SH3KBP1: variants seen among roughly 807,000 people sequenced by gnomAD.
SH3KBP1 encodes SH3 domain-containing kinase-binding protein 1.
A neutral mutation model predicts 50.1 loss-of-function variants in SH3KBP1; 8 were observed. That is an observed-to-expected ratio of 0.16 (90% confidence interval 0.09 to 0.29). SH3KBP1 has a LOEUF of 0.29. Among genes scored for constraint, SH3KBP1 ranks in the 10% least tolerant of loss-of-function variants. The probability of loss-of-function intolerance (pLI) is 1.00; values close to 1 mark genes in which losing one functional copy is unlikely to be tolerated. For synonymous variants in SH3KBP1, 227 were observed against 218.6 expected (o/e 1.04, Z -0.34); for missense variants, 377 against 535.2 (o/e 0.70, Z 2.92).
rs190313304 is a variant in SH3KBP1, at chrX:19,880,031, C to T, written c.4+7276G>A. 6.1e-3 allele frequency among the ~76,000 whole-genome samples: 688 copies of T among 112,767 alleles called. 9 individuals carry two copies. Among genetic ancestry groups the T allele is most frequent in the Admixed American group, 0.058 (623 of 10,711 alleles). ...GTAGAATGACTCTCCACTCCCCTGA[C>T]CCCCGCCACCAGCTGTGACAACCAA... On this transcript the variant is annotated intron_variant, in intron 1 of 17. Coordinates refer to ENST00000397821, the MANE Select transcript of SH3KBP1 (RefSeq NM_031892.3).
chrX:19,703,199 A>C (rs1362790772), intron 4 of SH3KBP1, among the ~76,000 whole-genome samples: 3 of 112,444 alleles, frequency 2.7e-5, no homozygotes. Flanking sequence ...GTTTCTACCT[A>C]AACCTGCTTA....
intron 2 of SH3KBP1, among the ~76,000 whole-genome samples, chrX:19,780,304 G>A (rs1406706087): frequency 1.1e-5 from 1 of 93,770 alleles, no homozygotes. Context: ...TTTTTTTCTT[G>A]TAAATTTGTT....
chrX:19,819,333 CTTTT>C (rs2147325750), intron 2 of SH3KBP1, among the ~76,000 whole-genome samples: 1 of 110,641 alleles, frequency 9.0e-6, no homozygotes, highest in African/African-American at 3.3e-5. Context: ...TTTTATTGAT[CTTTT>C]TATTTATTTA....
intron 8 of SH3KBP1, among the ~76,000 whole-genome samples, chrX:19,625,271 C>CA (rs940060633): frequency 7.3e-5 from 8 of 109,713 alleles, no homozygotes; most frequent in Middle Eastern, 4.6e-3. Context: ...AACATTAGAA[C>CA]AAAAAAAATA....
intron 13 of SH3KBP1, among the ~76,000 whole-genome samples, chrX:19,555,080 A>G (rs186262929): frequency 2.6e-4 from 29 of 113,047 alleles, no homozygotes; most frequent in African/African-American, 8.0e-4. Flanking sequence ...CTGAAACTTG[A>G]TATGAGCTTT....
At chrX:19,764,163 C>T (rs1298812771) in intron 2 of SH3KBP1, among the ~76,000 whole-genome samples, 1 of 110,348 alleles carries the variant, frequency 9.1e-6, no homozygotes, top group Non-Finnish European at 1.9e-5. Flanking sequence ...TTTAGAATAA[C>T]TCACATGGGG....
intron 13 of SH3KBP1, among the ~76,000 whole-genome samples, chrX:19,561,998 T>A (rs1406447410): frequency 9.1e-6 from 1 of 110,112 alleles, no homozygotes; most frequent in Non-Finnish European, 1.9e-5. Flanking sequence ...CACCACCACA[T>A]CCAATGACCT....
chrX:19,540,946 G>A lies in SH3KBP1; in HGVS notation c.1892+979C>T, dbSNP rs1015093358. Among the ~76,000 whole-genome samples the A allele has an allele frequency of 3.7e-5, 4 of 109,020 alleles. No individual in the cohort carries two copies. In the East Asian group the frequency reaches 8.6e-4, roughly 23 times the overall value. 94.7% of individuals were successfully genotyped at this position (109,020 alleles called of 115,157 possible). On this transcript the variant is annotated intron_variant, in intron 16 of 17. Coordinates refer to ENST00000397821, the MANE Select transcript of SH3KBP1 (RefSeq NM_031892.3). Reference sequence around the variant, plus strand: ...TTTTTTTTTTTTTAGACGGAGTCTCGCTCTGTCACTCATGCTGGAGTGCAG... The same window carrying A: ...TTTTTTTTTTTTTAGACGGAGTCTCACTCTGTCACTCATGCTGGAGTGCAG...
chrX:19,764,281 T>G (rs752103042), intron 2 of SH3KBP1, among the ~76,000 whole-genome samples: 3 of 110,898 alleles, frequency 2.7e-5, no homozygotes, highest in Non-Finnish European at 3.8e-5. Flanking sequence ...ACACAGAAAT[T>G]TCTTCATTTG....
intron 13 of SH3KBP1, among the ~76,000 whole-genome samples, chrX:19,554,171 T>A (rs1360696703): frequency 2.5e-5 from 2 of 79,047 alleles, no homozygotes; most frequent in Admixed American, 3.8e-4. Flanking sequence ...ATATAATATA[T>A]ATCATATTAA....
At chrX:19,717,855 T>C (rs953568303) in intron 3 of SH3KBP1, among the ~76,000 whole-genome samples, 2 of 111,572 alleles carry the variant, frequency 1.8e-5, no homozygotes, top group Non-Finnish European at 3.8e-5. Context: ...AAATGACGTA[T>C]GTTTGATTTT....
At chrX:19,776,532 G>GTTTTTTTTTTTTTTTTT (rs72090569) in intron 2 of SH3KBP1, among the ~76,000 whole-genome samples, 1 of 25,681 alleles carries the variant, frequency 3.9e-5, no homozygotes, top group Non-Finnish European at 6.4e-5. Context: ...TGACAACCTG[G>GTTTTTTTTTTTTTTTTT]TTTTTTTTTT....
At chrX:19,726,581 T>A (rs1367885661) in intron 3 of SH3KBP1, among the ~76,000 whole-genome samples, 1 of 111,694 alleles carries the variant, frequency 9.0e-6, no homozygotes, top group Non-Finnish European at 1.9e-5. Flanking sequence ...GCAAGCAAGA[T>A]ACACAGAGCA....
rs182591940 is a variant in SH3KBP1 at position 19,867,854 on chromosome X, A to G, written c.4+19453T>C. Reference sequence around the variant, plus strand: ...CCCCATTATCAGAAGAAAGTGACTGATGAAAGAAAAAAAAATTGATGAAAG... The same window carrying G: ...CCCCATTATCAGAAGAAAGTGACTGGTGAAAGAAAAAAAAATTGATGAAAG... On this transcript the variant is annotated intron_variant, in intron 1 of 17. Transcript: ENST00000397821. Among the ~76,000 whole-genome samples, 947 of 111,614 alleles carry G rather than the reference A, an allele frequency of 8.5e-3. 14 individuals are homozygous for G. The highest frequency in any genetic ancestry group is 0.029 in the African/African-American group (896 of 30,648).
intron 2 of SH3KBP1, among the ~76,000 whole-genome samples, chrX:19,756,524 A>G (rs2065215386): frequency 9.1e-6 from 1 of 109,771 alleles, no homozygotes; most frequent in South Asian, 3.8e-4. Context: ...AGGGAAAGAG[A>G]GCCTCACATA....
intron 12 of SH3KBP1, among the ~76,000 whole-genome samples, chrX:19,576,680 C>A (rs1467454985): frequency 8.9e-6 from 1 of 112,207 alleles, no homozygotes; most frequent in Non-Finnish European, 1.9e-5. Context: ...TGGCCTCCAG[C>A]AGTCCTCCAG....
chrX:19,793,476 CCTCCT>C (rs1007428084), intron 2 of SH3KBP1, among the ~76,000 whole-genome samples: 17 of 110,488 alleles, frequency 1.5e-4, no homozygotes, highest in African/African-American at 5.6e-4. Context: ...ATTACCCCAT[CCTCCT>C]CTATAAACTG....
chrX:19,540,875 C>T (rs2064865972), intron 16 of SH3KBP1, among the ~76,000 whole-genome samples: 1 of 111,549 alleles, frequency 9.0e-6, no homozygotes, highest in Admixed American at 9.5e-5. Context: ...CTAACTGATC[C>T]CTAAACTCCT....
intron 5 of SH3KBP1, 37 bp downstream of exon 5, chrX:19,695,575 C>T (rs748941134): frequency 1.7e-6 from 2 of 1,203,313 alleles, no homozygotes; most frequent in East Asian, 5.9e-5. Flanking sequence ...TGCCGGTCCC[C>T]CGCCCCTCTC....
Sources: allele counts gnomAD v4.1 joint callset (sites outside exome capture counted in the v4.1 genomes callset), GRCh38; gene constraint gnomAD v4.1.1; transcripts MANE v1.5; gene names NCBI Gene and HGNC (gene_info 2026-07-23, HGNC 2026-07-21).